The following GLCCI1 variants were observed in gnomAD, a reference collection of about 807,000 sequenced individuals.
GLCCI1 encodes the protein glucocorticoid-induced transcript 1 protein.
In GLCCI1, 24 loss-of-function variants were observed where a neutral mutation model predicts 52.2. The ratio of observed to expected loss-of-function variants is 0.46; its 90% CI spans 0.33 to 0.65. The LOEUF (loss-of-function observed/expected upper bound fraction) is 0.65, where lower values mean the gene tolerates loss of function less well. Among genes scored for constraint, GLCCI1 ranks in the 30% least tolerant of loss-of-function variants. The probability of loss-of-function intolerance (pLI) is 0.02; values close to 1 mark genes in which losing one functional copy is unlikely to be tolerated. For synonymous variants in GLCCI1, 310 were observed against 276.5 expected (o/e 1.12, Z -1.20); for missense variants, 704 against 701.5 (o/e 1.00, Z -0.04).
chr7:8,006,176 A>G (rs1003340931), intron 2 of GLCCI1, among the ~76,000 whole-genome samples: 2 of 152,224 alleles, frequency 1.3e-5, no homozygotes, highest in Non-Finnish European at 1.5e-5. Context: ...AGGCTAAGTG[A>G]AAAACTGGAA....
chr7:8,043,626 A>C (rs1782052318), intron 3 of GLCCI1, among the ~76,000 whole-genome samples: 1 of 152,228 alleles, frequency 6.6e-6, no homozygotes, highest in African/African-American at 2.4e-5. Context: ...GTGATGAAAA[A>C]GTCCTAAAAT....
intron 1 of GLCCI1, among the ~76,000 whole-genome samples, chr7:7,986,917 C>G (rs1369549833): frequency 1.3e-5 from 2 of 152,190 alleles, no homozygotes; most frequent in East Asian, 3.8e-4. Context: ...TCAGAATTAT[C>G]TACTGAACAT....
intron 3 of GLCCI1, among the ~76,000 whole-genome samples, chr7:8,053,355 G>A (rs1459834004): frequency 8.0e-5 from 11 of 137,022 alleles, no homozygotes; most frequent in East Asian, 4.3e-4. Context: ...AGACAGTCTC[G>A]CACTGTCGCC....
intron 1 of GLCCI1, among the ~76,000 whole-genome samples, chr7:7,993,394 T>G (rs893280117): frequency 6.6e-6 from 1 of 152,192 alleles, no homozygotes; most frequent in Non-Finnish European, 1.5e-5. Flanking sequence ...AGACTCTCAG[T>G]AATTTCTCTT....
intron 7 of GLCCI1, 117 bp downstream of exon 7, chr7:8,085,134 A>G (rs113669860): frequency 1.8e-6 from 2 of 1,130,832 alleles, no homozygotes; most frequent in African/African-American, 1.6e-5. Flanking sequence ...TTTCAAGAGC[A>G]AATTATGTAA....
intron 1 of GLCCI1, among the ~76,000 whole-genome samples, chr7:7,973,165 AT>A (rs999155116): frequency 2.9e-4 from 44 of 152,262 alleles, no homozygotes; most frequent in African/African-American, 9.4e-4. Context: ...GCAAATAGTT[AT>A]TTTTTTGTAA....
intron 3 of GLCCI1, among the ~76,000 whole-genome samples, chr7:8,038,368 T>C (rs1363562836): frequency 6.6e-6 from 1 of 152,162 alleles, no homozygotes; most frequent in African/African-American, 2.4e-5. Flanking sequence ...GCCTTCAAAT[T>C]ATACTACAAG....
chr7:8,034,356 G>GA (rs1434145991), intron 3 of GLCCI1, among the ~76,000 whole-genome samples: 1 of 151,380 alleles, frequency 6.6e-6, no homozygotes, highest in Non-Finnish European at 1.5e-5. Context: ...AGCCCTAAAA[G>GA]AAAAAAAGAT....
intron 3 of GLCCI1, among the ~76,000 whole-genome samples, chr7:8,026,562 A>T (rs1296923707): frequency 2.6e-5 from 4 of 152,230 alleles, no homozygotes; most frequent in African/African-American, 9.6e-5. Flanking sequence ...TGCTGATGTT[A>T]CCCCTCCATT....
chr7:8,059,974 G>A (rs1782478189), intron 4 of GLCCI1, 122 bp from the exon 5 acceptor site: 2 of 801,808 alleles, frequency 2.5e-6, no homozygotes, highest in Non-Finnish European at 3.9e-6. Flanking sequence ...GAATTTTATT[G>A]TATTTGAAAG....
At chr7:8,010,732 A>G (rs38022) in intron 2 of GLCCI1, among the ~76,000 whole-genome samples, 66,575 of 151,914 alleles carry the variant, frequency 0.44, 14,889 homozygotes, top group Middle Eastern at 0.52. Context: ...TAGGCCTACT[A>G]CTTAAAAAAA....
At chr7:7,976,500 G>GAAAAAAAAAA (rs1562413220) in intron 1 of GLCCI1, among the ~76,000 whole-genome samples, 3 of 77,814 alleles carry the variant, frequency 3.9e-5, no homozygotes, top group Admixed American at 1.3e-4. Flanking sequence ...AAAAAAAAAG[G>GAAAAAAAAAA]AAAGGAAAAA....
chr7:8,070,661 TG>T, intron 5 of GLCCI1: 1 of 320,924 alleles, frequency 3.1e-6, no homozygotes, highest in Admixed American at 4.8e-5. Flanking sequence ...TGAAGAGTTT[TG>T]TGGGATGTGC....
intron 2 of GLCCI1, among the ~76,000 whole-genome samples, chr7:8,009,039 C>T (rs1346404775): frequency 6.6e-6 from 1 of 152,144 alleles, no homozygotes; most frequent in African/African-American, 2.4e-5. Context: ...CCGATTTGCA[C>T]ATTCACACGT....
chr7:8,020,325 T>C (rs189827806), intron 2 of GLCCI1, among the ~76,000 whole-genome samples: 14 of 152,344 alleles, frequency 9.2e-5, no homozygotes, highest in Admixed American at 2.6e-4. Flanking sequence ...CCATCCATCA[T>C]TGACCAAAAC....
intron 5 of GLCCI1, among the ~76,000 whole-genome samples, chr7:8,063,589 G>A (rs1250713195): frequency 2.7e-5 from 4 of 148,414 alleles, no homozygotes; most frequent in Non-Finnish European, 4.5e-5. Context: ...GTGTCTGTGC[G>A]TGTGATTTGC....
chr7:8,059,928 T>A (rs1307822303), intron 4 of GLCCI1, among the ~76,000 whole-genome samples, 168 bp from the exon 5 acceptor site: 4 of 152,258 alleles, frequency 2.6e-5, no homozygotes, highest in Non-Finnish European at 5.9e-5. Context: ...CATTTTACTT[T>A]CTTACTTCAG....
intron 3 of GLCCI1, among the ~76,000 whole-genome samples, chr7:8,027,547 G>T (rs537475502): frequency 6.6e-6 from 1 of 151,912 alleles, no homozygotes; most frequent in Non-Finnish European, 1.5e-5. Flanking sequence ...AGACAAGAAG[G>T]GTAGAAAGAA....
intron 3 of GLCCI1, among the ~76,000 whole-genome samples, chr7:8,033,475 C>T (rs551913362): frequency 2.0e-5 from 3 of 151,916 alleles, no homozygotes; most frequent in Admixed American, 6.6e-5. Flanking sequence ...CTTTATTCAC[C>T]GAAGACATAA....
Sources: allele counts gnomAD v4.1 joint callset (sites outside exome capture counted in the v4.1 genomes callset), GRCh38; gene constraint gnomAD v4.1.1; transcripts MANE v1.5; gene names NCBI Gene and HGNC (gene_info 2026-07-23, HGNC 2026-07-21).